Variants in SGCZ observed in about 807,000 individuals in gnomAD.
SGCZ encodes the protein zeta-sarcoglycan.
SGCZ carries 40 observed loss-of-function variants against 41.3 expected under a neutral mutation model. The observed-to-expected ratio is 0.97, with a 90% CI of 0.75 to 1.26. SGCZ has a LOEUF of 1.26. Among genes scored for constraint, SGCZ ranks in the 50% most tolerant of loss-of-function variants. SGCZ has a pLI of 0.00. For synonymous variants in SGCZ, 206 were observed against 137.5 expected, an observed-to-expected ratio of 1.50 and a Z score of -3.49; for missense variants, 552 against 369.8, an observed-to-expected ratio of 1.49 and a Z score of -4.04.
At chr8:15,200,272 T>G (rs1019827312) in intron 1 of SGCZ, among the ~76,000 whole-genome samples, 1 of 152,218 alleles carries the variant, frequency 6.6e-6, no homozygotes, top group East Asian at 1.9e-4. Flanking sequence ...CTAAATAAAT[T>G]GGCTCTTGAT....
chr8:14,933,501 T>G (rs112606441), intron 1 of SGCZ, among the ~76,000 whole-genome samples: 2,773 of 148,674 alleles, frequency 0.019, 108 homozygotes, highest in African/African-American at 0.064. Context: ...GCACCATCTC[T>G]GCTCACTGCA....
chr8:14,232,587 TTTG>T (rs1321068731), intron 4 of SGCZ, among the ~76,000 whole-genome samples: 5 of 151,930 alleles, frequency 3.3e-5, no homozygotes, highest in Non-Finnish European at 7.4e-5. Context: ...TGCCACTGAT[TTTG>T]TTTTTTATTT....
chr8:14,852,152 C>A (rs1803352931), intron 1 of SGCZ, among the ~76,000 whole-genome samples: 1 of 152,010 alleles, frequency 6.6e-6, no homozygotes, highest in Non-Finnish European at 1.5e-5. Context: ...CTTCTCCTGC[C>A]AAGTCAGCTC....
intron 1 of SGCZ, among the ~76,000 whole-genome samples, chr8:14,753,039 A>G (rs1412199829): frequency 2.0e-5 from 3 of 151,980 alleles, no homozygotes; most frequent in Admixed American, 2.0e-4. Context: ...TTTTCATTCT[A>G]TGGAAACTCC....
chr8:15,168,206 G>C (rs1308575279), intron 1 of SGCZ, among the ~76,000 whole-genome samples: 1 of 152,096 alleles, frequency 6.6e-6, no homozygotes, highest in African/African-American at 2.4e-5. Flanking sequence ...TCAGGTCAGA[G>C]CCCTAGGAAG....
At chr8:14,686,675 G>T (rs1447495393) in intron 1 of SGCZ, among the ~76,000 whole-genome samples, 2 of 152,034 alleles carry the variant, frequency 1.3e-5, no homozygotes, top group East Asian at 1.9e-4. Flanking sequence ...ATGTTGCAGG[G>T]GCTGAAATTG....
chr8:14,826,005 G>A (rs1802295484), intron 1 of SGCZ, among the ~76,000 whole-genome samples: 1 of 151,760 alleles, frequency 6.6e-6, no homozygotes, highest in Non-Finnish European at 1.5e-5. Flanking sequence ...TGTTACATAT[G>A]TATACATGTG....
intron 6 of SGCZ, among the ~76,000 whole-genome samples, chr8:14,105,448 G>A (rs1802174375): frequency 6.6e-6 from 1 of 152,078 alleles, no homozygotes; most frequent in South Asian, 2.1e-4. Flanking sequence ...GCCAACCAAT[G>A]AAACCGTGTT....
intron 1 of SGCZ, among the ~76,000 whole-genome samples, chr8:14,817,609 C>T (rs1306320974): frequency 6.6e-6 from 1 of 152,200 alleles, no homozygotes; most frequent in African/African-American, 2.4e-5. Flanking sequence ...TACAGCACTA[C>T]AACTCTGGAT....
chr8:14,715,412 A>T (rs1190405269), intron 1 of SGCZ, among the ~76,000 whole-genome samples: 1 of 152,156 alleles, frequency 6.6e-6, no homozygotes, highest in Non-Finnish European at 1.5e-5. Flanking sequence ...AGACTGTGGT[A>T]TGTAAATTCA....
chr8:14,334,752 C>T (rs989131439), intron 2 of SGCZ, among the ~76,000 whole-genome samples: 3 of 152,052 alleles, frequency 2.0e-5, no homozygotes, highest in Admixed American at 2.0e-4. Context: ...GCCATCTGAA[C>T]AAACTATGGT....
intron 1 of SGCZ, among the ~76,000 whole-genome samples, chr8:14,660,855 G>T (rs914417456): frequency 6.6e-6 from 1 of 151,976 alleles, no homozygotes; most frequent in Non-Finnish European, 1.5e-5. Context: ...ATATTGCTTT[G>T]TTCTAACTGG....
At chr8:15,026,172 A>G (rs559733840) in intron 1 of SGCZ, among the ~76,000 whole-genome samples, 44 of 152,212 alleles carry the variant, frequency 2.9e-4, no homozygotes, top group African/African-American at 9.9e-4. Flanking sequence ...ATTTGAATGA[A>G]TAAAACATTT....
At chr8:14,408,952 AGTGT>A (rs67492518) in intron 2 of SGCZ, among the ~76,000 whole-genome samples, 6 of 149,452 alleles carry the variant, frequency 4.0e-5, no homozygotes, top group Admixed American at 1.3e-4. Flanking sequence ...AAATTAAGAG[AGTGT>A]GTGTGTGTGT....
At chr8:14,811,109 T>A (rs1311984167) in intron 1 of SGCZ, among the ~76,000 whole-genome samples, 1 of 152,034 alleles carries the variant, frequency 6.6e-6, no homozygotes, top group African/African-American at 2.4e-5. Context: ...GGATTTTCTG[T>A]AAGAAATATA....
At chr8:15,013,221 T>C (rs1025001089) in intron 1 of SGCZ, among the ~76,000 whole-genome samples, 4 of 152,200 alleles carry the variant, frequency 2.6e-5, no homozygotes, top group African/African-American at 9.6e-5. Flanking sequence ...TCCATATGGA[T>C]TGGATTGCCT....
In SGCZ at chr8:14,164,234, G is replaced by A. The variant is rs937261212; in HGVS notation, c.547+346C>T. On this transcript the variant is annotated intron_variant, in intron 5 of 7. Coordinates refer to ENST00000382080, the MANE Select transcript of SGCZ (RefSeq NM_139167.4). Reference sequence around the variant, plus strand: ...TTAAAATTTCCATTTTAGTTCCTTCGCACGTCTTTTATTTTAAAATAATAC... The same window carrying A: ...TTAAAATTTCCATTTTAGTTCCTTCACACGTCTTTTATTTTAAAATAATAC... Among the ~76,000 whole-genome samples, 15 of 151,640 alleles carry A rather than the reference G, an allele frequency of 9.9e-5. No homozygotes were observed. In the East Asian group the frequency reaches 1.9e-3, roughly 20 times the overall value.
At chr8:14,700,001 T>C (rs1563210736) in intron 1 of SGCZ, among the ~76,000 whole-genome samples, 1 of 152,028 alleles carries the variant, frequency 6.6e-6, no homozygotes, top group Admixed American at 6.6e-5. Context: ...TATAACATTG[T>C]TGGCAGAAAT....
chr8:14,577,384 CTTT>C (rs57432939), intron 1 of SGCZ, among the ~76,000 whole-genome samples: 1 of 111,880 alleles, frequency 8.9e-6, no homozygotes, highest in Non-Finnish European at 1.8e-5. Flanking sequence ...AGAAATATAT[CTTT>C]TTTTTTTTTT....
Sources: allele counts gnomAD v4.1 joint callset (sites outside exome capture counted in the v4.1 genomes callset), GRCh38; gene constraint gnomAD v4.1.1; transcripts MANE v1.5; gene names NCBI Gene and HGNC (gene_info 2026-07-23, HGNC 2026-07-21).